METTL16: variants seen among roughly 807,000 people sequenced by gnomAD.
METTL16 encodes methyltransferase 16, RNA N6-adenosine.
A neutral mutation model predicts 57.9 loss-of-function variants in METTL16; 19 were observed. The ratio of observed to expected loss-of-function variants is 0.33; its 90% CI spans 0.23 to 0.48. The LOEUF (loss-of-function observed/expected upper bound fraction) is 0.48, where lower values mean the gene tolerates loss of function less well. METTL16 is among the 20% of genes least tolerant of loss of function. The pLI is 0.99. For synonymous variants in METTL16, 246 were observed against 255.6 expected (o/e 0.96, Z 0.36); for missense variants, 434 against 691.5 (o/e 0.63, Z 4.18).
intron 7 of METTL16, among the ~76,000 whole-genome samples, chr17:2,439,509 G>A (rs1176079697): frequency 6.6e-6 from 1 of 152,134 alleles, no homozygotes; most frequent in African/African-American, 2.4e-5. Flanking sequence ...GACCGAGACC[G>A]TGTGCTGGTG....
At chr17:2,501,479 C>T (rs1290661591) in intron 2 of METTL16, among the ~76,000 whole-genome samples, 1 of 152,054 alleles carries the variant, frequency 6.6e-6, no homozygotes, top group African/African-American at 2.4e-5. Flanking sequence ...AATTTAGTAA[C>T]ATCTTAAATA....
intron 8 of METTL16, among the ~76,000 whole-genome samples, chr17:2,429,452 T>C (rs1427260609): frequency 1.3e-5 from 2 of 150,324 alleles, no homozygotes; most frequent in Non-Finnish European, 3.0e-5. Context: ...CCTCCCAAAG[T>C]GCTGGGATTA....
chr17:2,478,295 T>G (rs551541610), intron 2 of METTL16, among the ~76,000 whole-genome samples: 54 of 152,322 alleles, frequency 3.5e-4, no homozygotes, highest in African/African-American at 1.3e-3. Context: ...GTCTGGTGCA[T>G]AATAACTATT....
chr17:2,505,314 C>A (rs1597475745), intron 1 of METTL16, among the ~76,000 whole-genome samples: 1 of 150,294 alleles, frequency 6.7e-6, no homozygotes, highest in East Asian at 2.0e-4. Flanking sequence ...CAAGAAATCA[C>A]CACTTCTGTA....
At chr17:2,447,809 G>A (rs1297188694) in intron 6 of METTL16, among the ~76,000 whole-genome samples, 1 of 108,502 alleles carries the variant, frequency 9.2e-6, no homozygotes, top group Non-Finnish European at 1.8e-5. Context: ...AGGTGGGGGG[G>A]TCAGCCCCCC....
intron 2 of METTL16, among the ~76,000 whole-genome samples, chr17:2,482,284 G>A (rs904062281): frequency 5.9e-5 from 9 of 152,204 alleles, no homozygotes; most frequent in Middle Eastern, 3.4e-3. Flanking sequence ...AGGAAATGAC[G>A]TTATTAGAGG....
intron 8 of METTL16, among the ~76,000 whole-genome samples, chr17:2,426,728 C>CAAAAAAAAAAAAAA (rs778818177): frequency 1.4e-4 from 5 of 35,132 alleles, no homozygotes; most frequent in East Asian, 7.0e-4. Context: ...GACTCCGTCT[C>CAAAAAAAAAAAAAA]AAAAAAAAAA....
Position 2,420,831 on chromosome 17 carries a change from A to T in METTL16, c.962T>A (p.Met321Lys), listed in dbSNP as rs1436702141. The T allele has an allele frequency of 6.2e-7, 1 of 1,614,138 alleles. No homozygotes were observed. Among genetic ancestry groups the T allele is most frequent in the Non-Finnish European group, 8.5e-7 (1 of 1,180,050 alleles). The change falls in exon 9 of 10, where the codon ATG becomes AAG. Residue 321 changes from methionine to lysine, a missense_variant. This residue lies in a region of METTL16 where 96 missense variants were observed against 138.3 expected (regional missense o/e 0.69). Transcript: ENST00000263092. This position sits in a 1 kb window ranked among gnomAD's most constrained non-coding sequence, Gnocchi z 5.4. ...PITFVVLASV[M>K]KELSLKASPL... is the part of the protein sequence containing the mutation. ...TGATGCTTTGAGGGATAATTCCTTCATCACGGACGCCAGCACCACGAATGT... is the reference window on the plus strand; with the variant it reads ...TGATGCTTTGAGGGATAATTCCTTCTTCACGGACGCCAGCACCACGAATGT...
At chr17:2,447,753 T>A (rs1172203421) in intron 6 of METTL16, among the ~76,000 whole-genome samples, 4 of 75,762 alleles carry the variant, frequency 5.3e-5, no homozygotes, top group Non-Finnish European at 1.1e-4. Context: ...GGGAGGGAGG[T>A]GGGGGGATCA....
chr17:2,502,057 T>TGA (rs2067492633), intron 2 of METTL16, 147 bp downstream of exon 2: 2 of 723,322 alleles, frequency 2.8e-6, no homozygotes, highest in Non-Finnish European at 4.4e-6. Flanking sequence ...ATTAAAAAGC[T>TGA]GAGACCAAGA....
Position 2,477,668 on chromosome 17 carries a change from G to A in METTL16, c.328+18C>T. ...TTATGAAAACTGTTTAGCCAAAAAA[G>A]AATTTAAAATGATATACCTATGTCA... On this transcript the variant is annotated intron_variant, in intron 3 of 9. Coordinates refer to ENST00000263092, the MANE Select transcript of METTL16 (RefSeq NM_024086.4). The A allele has an allele frequency of 6.3e-7, 1 of 1,585,980 alleles. No individual in the cohort carries two copies. The highest frequency in any genetic ancestry group is 1.1e-5 in the South Asian group (1 of 90,178).
chr17:2,485,520 T>A (rs993304177), intron 2 of METTL16, among the ~76,000 whole-genome samples: 1 of 152,052 alleles, frequency 6.6e-6, no homozygotes, highest in Non-Finnish European at 1.5e-5. Flanking sequence ...TTGTAAACAG[T>A]AGAATTGTAA....
Position 2,492,072 on chromosome 17 carries a change from G to A in METTL16, c.128+10132C>T, listed in dbSNP as rs184241279. On this transcript the variant is annotated intron_variant, in intron 2 of 9. Coordinates refer to ENST00000263092, the MANE Select transcript of METTL16 (RefSeq NM_024086.4). ...TAAAAATACAAAAAATTAGCCGGGC[G>A]TGGTGGCGGGTGCCTGTAGTCCCAG... 1.4e-3 allele frequency among the ~76,000 whole-genome samples: 214 copies of A among 151,324 alleles called. 4 individuals carry two copies. The East Asian group carries it at 0.032, about 23-fold the overall frequency.
At chr17:2,483,299 A>G (rs142267649) in intron 2 of METTL16, among the ~76,000 whole-genome samples, 2 of 152,322 alleles carry the variant, frequency 1.3e-5, no homozygotes, top group East Asian at 3.9e-4. Context: ...GGATTAAATG[A>G]GCAACTATGT....
chr17:2,486,498 C>T (rs2067342232), intron 2 of METTL16, among the ~76,000 whole-genome samples: 1 of 151,982 alleles, frequency 6.6e-6, no homozygotes, highest in Non-Finnish European at 1.5e-5. Flanking sequence ...GTCTCAATCT[C>T]CTGACCTCAT....
At chr17:2,497,081 C>T (rs2067451038) in intron 2 of METTL16, among the ~76,000 whole-genome samples, 1 of 151,574 alleles carries the variant, frequency 6.6e-6, no homozygotes, top group South Asian at 2.1e-4. Context: ...TCTCGGCTCA[C>T]TGCAACCTCC....
rs201238523 is a variant in METTL16, at chr17:2,420,309, G to C, written c.1350C>G (p.Ser450Arg). 4 of 1,612,130 alleles carry C rather than the reference G, an allele frequency of 2.5e-6. No homozygotes were observed. The highest frequency in any genetic ancestry group is 2.7e-5 in the African/African-American group (2 of 74,920). ...EAAAVEGPCPSQESLSQEENP... is the reference protein window; with the variant it reads ...EAAAVEGPCPRQESLSQEENP... Reference sequence around the variant, plus strand: ...TTTCCTCCTGGGACAGGGACTCCTGGCTCGGGCACGGGCCCTCCACAGCGG... The same window carrying C: ...TTTCCTCCTGGGACAGGGACTCCTGCCTCGGGCACGGGCCCTCCACAGCGG... Residue 450 changes from serine to arginine, a missense_variant, in exon 10 of 10, where the codon AGC (serine) becomes AGG (arginine). Physicochemically the swap from Ser to Arg is moderately radical, Grantham distance 110. This residue lies in a region of METTL16 where 168 missense variants were observed against 149.6 expected (regional missense o/e 1.12). Coordinates refer to ENST00000263092, the MANE Select transcript of METTL16 (RefSeq NM_024086.4). This position sits in a 1 kb window ranked among gnomAD's most constrained non-coding sequence, Gnocchi z 5.4.
intron 1 of METTL16, among the ~76,000 whole-genome samples, chr17:2,503,135 A>G (rs898942179): frequency 4.6e-5 from 7 of 152,362 alleles, no homozygotes; most frequent in East Asian, 1.9e-4. Flanking sequence ...ACTGAAACAG[A>G]TATTTGTACA....
At chr17:2,510,966 G>A (rs564612525) in intron 1 of METTL16, among the ~76,000 whole-genome samples, 3 of 152,130 alleles carry the variant, frequency 2.0e-5, no homozygotes, top group African/African-American at 7.2e-5. Context: ...TAAGTTTCAA[G>A]AGGGTAAATA....
Sources: allele counts gnomAD v4.1 joint callset (sites outside exome capture counted in the v4.1 genomes callset), GRCh38; gene constraint gnomAD v4.1.1; regional missense constraint gnomAD v4.1.1; non-coding constraint Gnocchi (gnomAD v3.1); transcripts MANE v1.5; gene names NCBI Gene and HGNC (gene_info 2026-07-23, HGNC 2026-07-21).